The following KIAA1671 variants were observed in gnomAD, a reference collection of about 807,000 sequenced individuals.
The protein encoded by KIAA1671 is KIAA1671.
KIAA1671 carries 52 observed loss-of-function variants against 131.2 expected under a neutral mutation model. The ratio of observed to expected loss-of-function variants is 0.40; its 90% CI spans 0.32 to 0.50. The LOEUF (loss-of-function observed/expected upper bound fraction) is 0.50, where lower values mean the gene tolerates loss of function less well. KIAA1671 is among the 20% of genes least tolerant of loss of function. The pLI, the probability that KIAA1671 is intolerant of heterozygous loss-of-function variation, is 0.73. For missense variants in KIAA1671, 2,360 were observed against 2,364.2 expected (o/e 1.00, Z 0.04); for synonymous variants, 1,003 against 961.6 (o/e 1.04, Z -0.80).
chr22:25,072,052 G>C (rs7292770), intron 6 of KIAA1671, among the ~76,000 whole-genome samples: 4,749 of 152,266 alleles, frequency 0.031, 223 homozygotes, highest in African/African-American at 0.11. Flanking sequence ...GGAGCTGGCA[G>C]TTGATGCTAG....
chr22:24,989,173 C>G (rs914099191), intron 1 of KIAA1671, among the ~76,000 whole-genome samples: 1 of 152,192 alleles, frequency 6.6e-6, no homozygotes. Context: ...CCCTTGTGTT[C>G]AAAGCCACAT....
At chr22:25,139,536 A>G (rs1445626095) in intron 6 of KIAA1671, among the ~76,000 whole-genome samples, 1 of 152,236 alleles carries the variant, frequency 6.6e-6, no homozygotes, top group Non-Finnish European at 1.5e-5. Flanking sequence ...GACACCATCT[A>G]TCTCCTCAGC....
At chr22:25,116,110 G>T (rs1435492903) in intron 6 of KIAA1671, among the ~76,000 whole-genome samples, 4 of 152,064 alleles carry the variant, frequency 2.6e-5, no homozygotes, top group Non-Finnish European at 5.9e-5. Flanking sequence ...ACAAGGTCTT[G>T]CCCTGTCACT....
intron 5 of KIAA1671, among the ~76,000 whole-genome samples, chr22:25,047,721 C>T (rs924963920): frequency 6.6e-6 from 1 of 152,234 alleles, no homozygotes; most frequent in Non-Finnish European, 1.5e-5. Flanking sequence ...GATCCACCTG[C>T]GTCGGCCTCC....
At chr22:25,074,674 G>C (rs1038823290) in intron 6 of KIAA1671, among the ~76,000 whole-genome samples, 2 of 152,002 alleles carry the variant, frequency 1.3e-5, no homozygotes, top group African/African-American at 4.8e-5. Flanking sequence ...CTGATAATCT[G>C]TATTTTTGAA....
chr22:24,985,188 A>G (rs1476961563), intron 1 of KIAA1671, among the ~76,000 whole-genome samples: 2 of 152,152 alleles, frequency 1.3e-5, no homozygotes, highest in African/African-American at 4.8e-5. Flanking sequence ...CTGGGAACAT[A>G]TCAATTTTCC....
Position 25,027,800 on chromosome 22 carries a change from C to G in KIAA1671, c.-55-145C>G. On this transcript the variant is annotated intron_variant, in intron 2 of 12. Transcript: ENST00000358431. ...AGCTCAGAGACGGGGAGAGGCAGGC[C>G]CAAGCCTGCCGGGTGAGGTCAGCAG... 4.1e-6 allele frequency: 2 copies of G among 490,620 alleles called. 1 individual carries two copies. Among genetic ancestry groups the G allele is most frequent in the East Asian group, 6.5e-5 (2 of 30,670 alleles). The allele number at this position is 490,620 out of a possible 1,614,324, so 30.4% of individuals were successfully genotyped here.
At chr22:25,108,980 G>A (rs1023570905) in intron 6 of KIAA1671, among the ~76,000 whole-genome samples, 4 of 152,208 alleles carry the variant, frequency 2.6e-5, no homozygotes, top group Non-Finnish European at 5.9e-5. Context: ...TTCTCTCCAT[G>A]TGGGTTTCTG....
chr22:25,089,645 T>A (rs1429235470), intron 6 of KIAA1671, among the ~76,000 whole-genome samples: 1 of 152,212 alleles, frequency 6.6e-6, no homozygotes, highest in Non-Finnish European at 1.5e-5. Context: ...TTTCTTTTTC[T>A]CATAATGATG....
chr22:24,987,898 C>G (rs889458385), intron 1 of KIAA1671, among the ~76,000 whole-genome samples: 2 of 152,178 alleles, frequency 1.3e-5, no homozygotes, highest in South Asian at 4.1e-4. Flanking sequence ...GTCTCTGACC[C>G]CTGTCATGTC....
chr22:25,016,067 C>A (rs1925299759), intron 1 of KIAA1671, among the ~76,000 whole-genome samples: 1 of 150,490 alleles, frequency 6.6e-6, no homozygotes, highest in Admixed American at 6.6e-5. Flanking sequence ...GTTGCCCAGG[C>A]TGGAGTGCAA....
chr22:25,069,794 TCTC>T (rs1397485998), intron 6 of KIAA1671, among the ~76,000 whole-genome samples: 4 of 152,084 alleles, frequency 2.6e-5, no homozygotes, highest in East Asian at 1.9e-4. Context: ...AGGGCCTCCT[TCTC>T]CTCATGTGGT....
intron 6 of KIAA1671, among the ~76,000 whole-genome samples, chr22:25,069,728 G>A (rs1181940504): frequency 1.3e-5 from 2 of 152,164 alleles, no homozygotes; most frequent in Non-Finnish European, 2.9e-5. Flanking sequence ...TGACATCAAA[G>A]GAGCCCGGTA....
chr22:24,965,101 T>TAAA (rs3063196), intron 1 of KIAA1671, among the ~76,000 whole-genome samples: 1 of 140,822 alleles, frequency 7.1e-6, no homozygotes, highest in Non-Finnish European at 1.6e-5. Flanking sequence ...AGTAGGCTCT[T>TAAA]AAAAAAAAAA....
chr22:24,986,911 C>T (rs9620478), intron 1 of KIAA1671, among the ~76,000 whole-genome samples: 9,230 of 151,770 alleles, frequency 0.061, 789 homozygotes, highest in African/African-American at 0.19. Flanking sequence ...AAGCAGGGGT[C>T]GGCCAGCTTC....
chr22:25,196,457 C>T lies in KIAA1671; in HGVS notation c.*4056C>T, dbSNP rs566648415. 5.3e-5 allele frequency: 8 copies of T among 151,488 alleles called. No individual in the cohort carries two copies. The East Asian group carries it at 1.6e-3, about 30-fold the overall frequency. The allele number at this position is 151,488 out of a possible 1,614,324, so 9.4% of individuals were successfully genotyped here. On this transcript the variant is annotated 3_prime_UTR_variant, in exon 13 of 13. Transcript: ENST00000358431. ...CTTTTTTTTTTTTCTTTTCTTGAGA[C>T]ACGGTCTTGCTCTGTTGGCCAGGCT...
intron 10 of KIAA1671, among the ~76,000 whole-genome samples, chr22:25,183,068 GC>G (rs1343847391): frequency 6.7e-6 from 1 of 149,122 alleles, no homozygotes; most frequent in Non-Finnish European, 1.5e-5. Flanking sequence ...AGGCCCTTTT[GC>G]CCCCCTGTTT....
Position 24,989,397 on chromosome 22 carries a change from A to G in KIAA1671, c.-207-36236A>G, listed in dbSNP as rs1381863836. Among the ~76,000 whole-genome samples the G allele has an allele frequency of 2.0e-5, 3 of 152,122 alleles. No individual in the cohort carries two copies. The East Asian group carries it at 5.8e-4, about 29-fold the overall frequency. ...GTCTCAGCTCACATGGCACCTCCTC[A>G]GAGAGCCCTCCCCATCCCCTCATCT... On this transcript the variant is annotated intron_variant, in intron 1 of 12. Coordinates refer to ENST00000358431, the MANE Select transcript of KIAA1671 (RefSeq NM_001145206.2).
At chr22:25,097,891 C>T (rs769057409) in intron 6 of KIAA1671, among the ~76,000 whole-genome samples, 10 of 152,144 alleles carry the variant, frequency 6.6e-5, no homozygotes, top group Non-Finnish European at 1.3e-4. Context: ...CACCCAGGTT[C>T]TTCCCATCTT....
Sources: allele counts gnomAD v4.1 joint callset (sites outside exome capture counted in the v4.1 genomes callset), GRCh38; gene constraint gnomAD v4.1.1; transcripts MANE v1.5; gene names NCBI Gene and HGNC (gene_info 2026-07-23, HGNC 2026-07-21).